AREL1: variants seen among roughly 807,000 people sequenced by gnomAD.
The protein encoded by AREL1 is apoptosis-resistant E3 ubiquitin protein ligase 1.
In AREL1, 62 loss-of-function variants were observed where a neutral mutation model predicts 99.0. The observed-to-expected ratio is 0.63, with a 90% confidence interval of 0.51 to 0.77. AREL1 has a LOEUF of 0.77. Among genes scored for constraint, AREL1 ranks in the 30% least tolerant of loss-of-function variants. The pLI is 0.00. For missense variants in AREL1, 879 were observed against 1,027.6 expected, an observed-to-expected ratio of 0.86 and a Z score of 1.98; for synonymous variants, 380 against 376.5, an observed-to-expected ratio of 1.01 and a Z score of -0.11.
chr14:74,665,087 A>G (rs1401664917), intron 17 of AREL1, 162 bp from the exon 18 acceptor site: 3 of 538,322 alleles, frequency 5.6e-6, no homozygotes, highest in Non-Finnish European at 1.0e-5. Context: ...TAGGAAAATC[A>G]ATTACATACA....
At chr14:74,691,629 A>G (rs146987698) in intron 2 of AREL1, among the ~76,000 whole-genome samples, 77 of 152,344 alleles carry the variant, frequency 5.1e-4, no homozygotes, top group African/African-American at 1.8e-3. Flanking sequence ...GTGCAGAAAT[A>G]TCACTTGCTT....
intron 3 of AREL1, 26 bp downstream of exon 3, chr14:74,685,572 AAT>A (rs2089729007): frequency 6.2e-7 from 1 of 1,613,556 alleles, no homozygotes; most frequent in South Asian, 1.1e-5. Flanking sequence ...ACAAAAATAT[AAT>A]AGAGAGAGCT....
At chr14:74,708,539 G>A (rs1403068893) in intron 1 of AREL1, among the ~76,000 whole-genome samples, 1 of 152,116 alleles carries the variant, frequency 6.6e-6, no homozygotes, top group Non-Finnish European at 1.5e-5. Flanking sequence ...CAAGAGAGGG[G>A]TTAAAATAAC....
chr14:74,689,974 A>T lies in AREL1; in HGVS notation c.-46+2067T>A, dbSNP rs181537175. On this transcript the variant is annotated intron_variant, in intron 2 of 19. Coordinates refer to ENST00000356357, the MANE Select transcript of AREL1 (RefSeq NM_001039479.2). ...GTCTTAAAAATCCTCCAGGCTGGGC[A>T]TGGTGGCTCATGTCTGTAACCCCAA... 8.9e-4 allele frequency among the ~76,000 whole-genome samples: 134 copies of T among 151,058 alleles called. 2 individuals carry two copies. The highest frequency in any genetic ancestry group is 3.1e-3 in the African/African-American group (126 of 41,296).
intron 17 of AREL1, 101 bp from the exon 18 acceptor site, chr14:74,665,026 C>A: frequency 1.1e-6 from 1 of 883,964 alleles, no homozygotes. Flanking sequence ...TAGAAGAAAA[C>A]ATTACCAGGA....
intron 2 of AREL1, among the ~76,000 whole-genome samples, chr14:74,690,335 A>G (rs1234810851): frequency 2.6e-5 from 4 of 151,848 alleles, no homozygotes; most frequent in Non-Finnish European, 5.9e-5. Context: ...ATAAATATGA[A>G]TAAGATCAAA....
chr14:74,697,989 G>A (rs1288333221), intron 1 of AREL1, among the ~76,000 whole-genome samples: 3 of 151,488 alleles, frequency 2.0e-5, no homozygotes, highest in Admixed American at 2.0e-4. Context: ...GAGTGACTGG[G>A]GAGAAAAAAA....
chr14:74,665,808 C>T lies in AREL1; in HGVS notation c.2104-883G>A, dbSNP rs77862665. 4.5e-3 allele frequency among the ~76,000 whole-genome samples: 688 copies of T among 152,324 alleles called. 5 individuals carry two copies. Among genetic ancestry groups the T allele is most frequent in the African/African-American group, 0.015 (610 of 41,570 alleles). Reference sequence around the variant, plus strand: ...CAATAGCTATAAAGAATAATACATTCTAACCAGAGACAAGAAGAGCCCAAA... The same window carrying T: ...CAATAGCTATAAAGAATAATACATTTTAACCAGAGACAAGAAGAGCCCAAA... On this transcript the variant is annotated intron_variant, in intron 17 of 19. Coordinates refer to ENST00000356357, the MANE Select transcript of AREL1 (RefSeq NM_001039479.2).
chr14:74,686,661 C>CT (rs2089754811), intron 2 of AREL1, among the ~76,000 whole-genome samples: 1 of 152,126 alleles, frequency 6.6e-6, no homozygotes, highest in Non-Finnish European at 1.5e-5. Flanking sequence ...ACCAAAACAA[C>CT]TTTTTTTCAG....
intron 12 of AREL1, 109 bp from the exon 13 acceptor site, chr14:74,670,980 C>T: frequency 1.2e-6 from 1 of 808,996 alleles, no homozygotes; most frequent in Admixed American, 2.4e-5. Flanking sequence ...TTGTACTACT[C>T]TGGTGTTTCT....
At chr14:74,706,856 T>C (rs1474845137) in intron 1 of AREL1, among the ~76,000 whole-genome samples, 1 of 152,202 alleles carries the variant, frequency 6.6e-6, no homozygotes, top group Non-Finnish European at 1.5e-5. Context: ...AGCTCTTAGC[T>C]TCTCAGGAAA....
At position 74,664,130 on chromosome 14, in the gene AREL1, T is replaced by C. The variant is rs371337532; in HGVS notation, c.2194-56A>G. 97 of 1,562,892 alleles carry C rather than the reference T, an allele frequency of 6.2e-5. 1 individual carries two copies. The highest frequency in any genetic ancestry group is 4.7e-4 in the East Asian group (20 of 42,520). On this transcript the variant is annotated intron_variant, in intron 18 of 19. Coordinates refer to ENST00000356357, the MANE Select transcript of AREL1 (RefSeq NM_001039479.2). ...ACACAGTAAACAAGCTAGGATTAGA[T>C]CCCTGGGGAAGGAACAAGATACACT...
In AREL1 at chr14:74,669,079, A is replaced by G. The variant is rs1384762686; in HGVS notation, c.1914+570T>C. On this transcript the variant is annotated intron_variant, in intron 15 of 19. Coordinates refer to ENST00000356357, the MANE Select transcript of AREL1 (RefSeq NM_001039479.2). ...CCCAGCTAGATTTTTAAAATCTAAA[A>G]GACAGGGTCTTGCCAAAGTTGCCCA... Among the ~76,000 whole-genome samples the G allele has an allele frequency of 6.6e-5, 10 of 152,308 alleles. No individual in the cohort carries two copies. The East Asian group carries it at 1.9e-3, about 29-fold the overall frequency.
chr14:74,678,625 A>G (rs1260402149), intron 5 of AREL1, among the ~76,000 whole-genome samples: 1 of 151,934 alleles, frequency 6.6e-6, no homozygotes, highest in Non-Finnish European at 1.5e-5. Context: ...ATAAAGGTAC[A>G]AAAGCAATGT....
chr14:74,673,098 G>C lies in AREL1; in HGVS notation c.1279C>G (p.Arg427Gly). ...ERNILAATFI[R>G]SLHKNIGGSE... is the part of the protein sequence containing the mutation. Reference sequence around the variant, plus strand: ...TCACCTATGTTCTTATGCAGGGAGCGGATAAAAGTGGCTGCTAGAATGTTC... The same window carrying C: ...TCACCTATGTTCTTATGCAGGGAGCCGATAAAAGTGGCTGCTAGAATGTTC... Residue 427 changes from arginine to glycine, a missense_variant, in exon 10 of 20, where the codon CGC becomes GGC. Transcript: ENST00000356357. 1 of 1,614,124 alleles carries C rather than the reference G, an allele frequency of 6.2e-7. No individual in the cohort carries two copies. Among genetic ancestry groups the C allele is most frequent in the Non-Finnish European group, 8.5e-7 (1 of 1,180,020 alleles).
In AREL1 at chr14:74,673,065, G is replaced by A. The variant is rs1379463880; in HGVS notation, c.1300+12C>T. ...TCACTACCTTCCCTATAGAATCCCT[G>A]TGTAACCTCACCTATGTTCTTATGC... On this transcript the variant is annotated intron_variant, in intron 10 of 19. Coordinates refer to ENST00000356357, the MANE Select transcript of AREL1 (RefSeq NM_001039479.2). 5 of 1,614,110 alleles carry A rather than the reference G, an allele frequency of 3.1e-6. No homozygotes were observed. Among genetic ancestry groups the A allele is most frequent in the Non-Finnish European group, 3.4e-6 (4 of 1,180,006 alleles).
rs539029846 is a variant in AREL1 at position 74,684,646 on chromosome 14, G to A, written c.51C>T (p.Phe17=). The change falls in exon 4 of 20, where the codon TTC becomes TTT. Residue 17 remains phenylalanine (F), a synonymous_variant. Transcript: ENST00000356357. ...CAAGCTCAAAGAGGAACTTAATTGT[G>A]AAGAAGAATGCAACCACAGACACTG... ...GITVSVVAFF[F]TIKFLFELAA... is the part of the protein sequence containing the mutation. 3 of 1,614,168 alleles carry A rather than the reference G, an allele frequency of 1.9e-6. No homozygotes were observed. Among genetic ancestry groups the A allele is most frequent in the Non-Finnish European group, 2.5e-6 (3 of 1,180,020 alleles).
rs2089319414 is a variant in AREL1 at position 74,670,828 on chromosome 14, G to T, written c.1542C>A (p.Ile514=). The T allele has an allele frequency of 3.1e-6, 5 of 1,614,128 alleles. No homozygotes were observed. The highest frequency in any genetic ancestry group is 4.2e-6 in the Non-Finnish European group (5 of 1,180,006). The change falls in exon 13 of 20, where the codon ATC becomes ATA. Residue 514 remains isoleucine (I), a synonymous_variant. Coordinates refer to ENST00000356357, the MANE Select transcript of AREL1 (RefSeq NM_001039479.2). The stretch of plus-strand genomic sequence containing the variant: ...TGGTGGTATCAAATAGTGCTTTGCA[G>T]ATTAGCTCAAACCATTCCCGGCGAG... The part of the protein sequence containing the change: ...GGPRREWFEL[I]CKALFDTTNQ...
intron 1 of AREL1, among the ~76,000 whole-genome samples, chr14:74,703,061 CA>C (rs2090114093): frequency 1.3e-5 from 2 of 152,194 alleles, no homozygotes; most frequent in Non-Finnish European, 2.9e-5. Flanking sequence ...TACCCAGTTC[CA>C]AAGTTACTTC....
Sources: allele counts gnomAD v4.1 joint callset (sites outside exome capture counted in the v4.1 genomes callset), GRCh38; gene constraint gnomAD v4.1.1; transcripts MANE v1.5; gene names NCBI Gene and HGNC (gene_info 2026-07-23, HGNC 2026-07-21).